EPHA3: variants seen among roughly 807,000 people sequenced by gnomAD.
The protein encoded by EPHA3 is EPH receptor A3, also known as ephrin type-A receptor 3.
Under a neutral mutation model 107.1 loss-of-function variants are expected in EPHA3, and 42 were observed. The observed-to-expected ratio is 0.39, with a 90% CI of 0.31 to 0.51. The LOEUF is 0.51. Ranked by LOEUF, EPHA3 falls within the 20% of genes least tolerant of loss-of-function variation. The probability of loss-of-function intolerance (pLI) is 0.78; values close to 1 mark genes in which losing one functional copy is unlikely to be tolerated. For missense variants in EPHA3, 1,183 were observed against 1,211.2 expected, an observed-to-expected ratio of 0.98 and a Z score of 0.35; for synonymous variants, 461 against 424.8, an observed-to-expected ratio of 1.09 and a Z score of -1.05.
intron 1 of EPHA3, among the ~76,000 whole-genome samples, chr3:89,118,123 C>T (rs1707298193): frequency 6.6e-6 from 1 of 151,882 alleles, no homozygotes; most frequent in Non-Finnish European, 1.5e-5. Flanking sequence ...TAATTTAATA[C>T]TCATTTACAT....
chr3:89,127,838 C>G (rs1200605397), intron 2 of EPHA3, among the ~76,000 whole-genome samples: 1 of 151,962 alleles, frequency 6.6e-6, no homozygotes, highest in East Asian at 1.9e-4. Context: ...TTTTACATAG[C>G]TTTGGTATTT....
chr3:89,114,512 C>G (rs1707205422), intron 1 of EPHA3, among the ~76,000 whole-genome samples: 1 of 152,212 alleles, frequency 6.6e-6, no homozygotes, highest in Admixed American at 6.5e-5. Context: ...AGTCTCAGCC[C>G]TCTGGAGGCC....
In EPHA3 at chr3:89,273,917, T is replaced by C. The variant is rs190569578; in HGVS notation, c.814+63397T>C. 2.6e-5 allele frequency among the ~76,000 whole-genome samples: 4 copies of C among 152,080 alleles called. No individual in the cohort carries two copies. In the East Asian group the frequency reaches 7.7e-4, roughly 29 times the overall value. On this transcript the variant is annotated intron_variant, in intron 3 of 16. Coordinates refer to ENST00000336596, the MANE Select transcript of EPHA3 (RefSeq NM_005233.6). ...TTACCACTGTGCTTTCGGGCCATTT[T>C]ATACAGCAAAATCACTAACAAAAAG...
chr3:89,279,782 A>G (rs551493911), intron 3 of EPHA3, among the ~76,000 whole-genome samples: 1 of 152,318 alleles, frequency 6.6e-6, no homozygotes, highest in Non-Finnish European at 1.5e-5. Flanking sequence ...CTTGCTAAGT[A>G]GTGAACAAGC....
chr3:89,284,469 G>C (rs552872984), intron 3 of EPHA3, among the ~76,000 whole-genome samples: 1 of 151,798 alleles, frequency 6.6e-6, no homozygotes, highest in East Asian at 1.9e-4. Context: ...ATAATCTTAA[G>C]TACTTAACTT....
intron 3 of EPHA3, among the ~76,000 whole-genome samples, chr3:89,269,807 A>G: frequency 7.9e-6 from 1 of 126,724 alleles, no homozygotes; most frequent in Non-Finnish European, 1.6e-5. Context: ...TCCTGTGTCC[A>G]TGTGATCTCA....
chr3:89,143,710 A>C (rs1704478829), intron 2 of EPHA3, among the ~76,000 whole-genome samples: 2 of 151,688 alleles, frequency 1.3e-5, no homozygotes, highest in South Asian at 2.1e-4. Flanking sequence ...ATCAAAGCTA[A>C]GAATTTATGT....
intron 2 of EPHA3, among the ~76,000 whole-genome samples, chr3:89,204,718 G>A (rs569149712): frequency 3.9e-5 from 6 of 151,922 alleles, no homozygotes; most frequent in East Asian, 1.9e-4. Flanking sequence ...ATATTTGTGC[G>A]TGACACTTGA....
At chr3:89,430,194 A>G (rs1331275212) in intron 12 of EPHA3, among the ~76,000 whole-genome samples, 1 of 152,204 alleles carries the variant, frequency 6.6e-6, no homozygotes, top group African/African-American at 2.4e-5. Flanking sequence ...GCAGGCGATA[A>G]GAAAAGACAT....
chr3:89,143,535 A>G (rs1476435596), intron 2 of EPHA3, among the ~76,000 whole-genome samples: 1 of 151,616 alleles, frequency 6.6e-6, no homozygotes, highest in Non-Finnish European at 1.5e-5. Flanking sequence ...TAGTGGTTGG[A>G]AATTTCATTC....
At chr3:89,132,486 A>G (rs1352856392) in intron 2 of EPHA3, among the ~76,000 whole-genome samples, 2 of 152,196 alleles carry the variant, frequency 1.3e-5, no homozygotes, top group South Asian at 2.1e-4. Flanking sequence ...AAAATAATAG[A>G]GTAGTAAAAC....
At position 89,210,128 on chromosome 3, in the gene EPHA3, C is replaced by T. The variant is rs775092793; in HGVS notation, c.422C>T (p.Thr141Ile). ...GTGAAATTTCGAGAGCATCAGTTTA[C>T]AAAGATTGACACCATTGCAGCTGAT... Reference protein sequence around the residue: ...HGVKFREHQFTKIDTIAADES... With the variant: ...HGVKFREHQFIKIDTIAADES... The change falls in exon 3 of 17, where the codon ACA (threonine) becomes ATA (isoleucine). Residue 141 changes from threonine (T) to isoleucine (I), a missense_variant. Coordinates refer to ENST00000336596, the MANE Select transcript of EPHA3 (RefSeq NM_005233.6). The T allele has an allele frequency of 6.2e-7, 1 of 1,613,952 alleles. No homozygotes were observed. The highest frequency in any genetic ancestry group is 1.1e-5 in the South Asian group (1 of 91,068).
chr3:89,479,094 G>T (rs922633828), intron 16 of EPHA3, among the ~76,000 whole-genome samples: 1 of 152,180 alleles, frequency 6.6e-6, no homozygotes, highest in Admixed American at 6.5e-5. Context: ...CCCTAATCCA[G>T]TAAGATATTT....
chr3:89,107,922 G>A, intron 1 of EPHA3, 86 bp downstream of exon 1: 1 of 1,333,392 alleles, frequency 7.5e-7, no homozygotes, highest in Non-Finnish European at 1.1e-6. Flanking sequence ...CTTGCACGTC[G>A]GGAAGGTGCC....
intron 14 of EPHA3, 120 bp downstream of exon 14, chr3:89,449,494 A>G: frequency 1.2e-6 from 1 of 835,590 alleles, no homozygotes. Flanking sequence ...AATATTTAGC[A>G]GCAATGAAAC....
intron 3 of EPHA3, among the ~76,000 whole-genome samples, chr3:89,213,683 GT>G (rs1704160112): frequency 3.3e-5 from 5 of 151,920 alleles, no homozygotes; most frequent in Non-Finnish European, 2.9e-5. Flanking sequence ...ATAATCAATT[GT>G]TTCTAGATTA....
At chr3:89,387,736 A>C (rs1174828338) in intron 5 of EPHA3, among the ~76,000 whole-genome samples, 1 of 152,012 alleles carries the variant, frequency 6.6e-6, no homozygotes, top group African/African-American at 2.4e-5. Context: ...TTAATTGTTA[A>C]AATGAAATAT....
At chr3:89,398,175 G>T (rs1206453392) in intron 6 of EPHA3, among the ~76,000 whole-genome samples, 2 of 152,074 alleles carry the variant, frequency 1.3e-5, no homozygotes, top group East Asian at 3.9e-4. Context: ...CATGTTTTCT[G>T]TACTATTCAA....
intron 2 of EPHA3, among the ~76,000 whole-genome samples, chr3:89,189,332 C>T (rs182190909): frequency 6.4e-4 from 98 of 152,278 alleles, no homozygotes; most frequent in African/African-American, 2.3e-3. Context: ...CGGTGGCTCA[C>T]GTCTGTAATC....
Sources: allele counts gnomAD v4.1 joint callset (sites outside exome capture counted in the v4.1 genomes callset), GRCh38; gene constraint gnomAD v4.1.1; transcripts MANE v1.5; gene names NCBI Gene and HGNC (gene_info 2026-07-23, HGNC 2026-07-21).